Variants in SGCZ observed in about 807,000 individuals in gnomAD.
SGCZ encodes zeta-sarcoglycan.
In SGCZ, 40 loss-of-function variants were observed where a neutral mutation model predicts 41.3. The observed-to-expected ratio is 0.97, with a 90% confidence interval of 0.75 to 1.26. The LOEUF (loss-of-function observed/expected upper bound fraction) is 1.26, where lower values mean the gene tolerates loss of function less well. SGCZ is among the 50% of genes most tolerant of loss of function. SGCZ has a pLI of 0.00. For synonymous variants in SGCZ, 206 were observed against 137.5 expected, an observed-to-expected ratio of 1.50 and a Z score of -3.49; for missense variants, 552 against 369.8, an observed-to-expected ratio of 1.49 and a Z score of -4.04.
intron 2 of SGCZ, among the ~76,000 whole-genome samples, chr8:14,463,050 C>T (rs917395624): frequency 6.6e-6 from 1 of 151,492 alleles, no homozygotes; most frequent in Non-Finnish European, 1.5e-5. Flanking sequence ...TGCTACTTTG[C>T]TGAATAGGTT....
chr8:15,151,386 T>C (rs745559375), intron 1 of SGCZ, among the ~76,000 whole-genome samples: 10 of 152,240 alleles, frequency 6.6e-5, no homozygotes, highest in Non-Finnish European at 1.2e-4. Context: ...TATGCTACAA[T>C]AGATTACAAA....
rs185302462 is a variant in SGCZ, at chr8:14,773,780, C to G, written c.40-218854G>C. On this transcript the variant is annotated intron_variant, in intron 1 of 7. Transcript: ENST00000382080. ...AGGCAAAGTCAGCAGAGACTCTTAACCAAGGATGAAGGAAAACACTCCACA... is the reference window on the plus strand; with the variant it reads ...AGGCAAAGTCAGCAGAGACTCTTAAGCAAGGATGAAGGAAAACACTCCACA... Among the ~76,000 whole-genome samples, 6 of 152,224 alleles carry G rather than the reference C, an allele frequency of 3.9e-5. No homozygotes were observed. The East Asian group carries it at 1.2e-3, about 29-fold the overall frequency.
chr8:14,396,138 G>C (rs1023718152), intron 2 of SGCZ, among the ~76,000 whole-genome samples: 1 of 152,108 alleles, frequency 6.6e-6, no homozygotes, highest in African/African-American at 2.4e-5. Context: ...TACCTTGTCA[G>C]TATTCTAATA....
chr8:14,477,889 C>T (rs1801406690), intron 2 of SGCZ, among the ~76,000 whole-genome samples: 2 of 152,178 alleles, frequency 1.3e-5, no homozygotes, highest in Admixed American at 1.3e-4. Flanking sequence ...TCTCAATATA[C>T]AGTTAACTTT....
At chr8:15,167,441 G>C (rs191230924) in intron 1 of SGCZ, among the ~76,000 whole-genome samples, 2,016 of 141,268 alleles carry the variant, frequency 0.014, 45 homozygotes, top group African/African-American at 0.047. Flanking sequence ...AGTTCATCTT[G>C]GGACTTAAGA....
intron 6 of SGCZ, among the ~76,000 whole-genome samples, chr8:14,107,422 C>T (rs144303879): frequency 6.6e-6 from 1 of 151,994 alleles, no homozygotes; most frequent in Admixed American, 6.6e-5. Context: ...CAGGACATAG[C>T]TTATTCCATT....
At chr8:14,152,189 T>C (rs1174005739) in intron 5 of SGCZ, among the ~76,000 whole-genome samples, 4 of 152,072 alleles carry the variant, frequency 2.6e-5, no homozygotes, top group African/African-American at 2.4e-5. Context: ...ATATATCCTA[T>C]AGAGGACTGT....
chr8:14,284,425 TTAGTA>T (rs369223133), intron 3 of SGCZ, among the ~76,000 whole-genome samples: 363 of 152,332 alleles, frequency 2.4e-3, no homozygotes, highest in African/African-American at 6.6e-3. Context: ...TTGTCTTATT[TTAGTA>T]TAGGTTTACT....
At chr8:14,672,285 T>G (rs1053878581) in intron 1 of SGCZ, among the ~76,000 whole-genome samples, 1 of 152,166 alleles carries the variant, frequency 6.6e-6, no homozygotes. Context: ...AATCTGCCAT[T>G]TGCTAAGCTG....
intron 2 of SGCZ, among the ~76,000 whole-genome samples, chr8:14,372,399 A>G (rs754608002): frequency 6.6e-6 from 1 of 152,166 alleles, no homozygotes; most frequent in South Asian, 2.1e-4. Flanking sequence ...ATTCTGTGCC[A>G]GATAATCTTC....
intron 1 of SGCZ, among the ~76,000 whole-genome samples, chr8:15,031,040 A>C (rs1803641468): frequency 6.6e-6 from 1 of 151,988 alleles, no homozygotes; most frequent in Non-Finnish European, 1.5e-5. Context: ...GTTTGTTTCA[A>C]TTTTAGATTC....
At chr8:15,103,471 G>A (rs775901060) in intron 1 of SGCZ, among the ~76,000 whole-genome samples, 19 of 151,792 alleles carry the variant, frequency 1.3e-4, no homozygotes, top group Non-Finnish European at 2.4e-4. Context: ...TTTTATAGAA[G>A]TAAAATCTCT....
intron 2 of SGCZ, among the ~76,000 whole-genome samples, chr8:14,360,939 C>T (rs1029300133): frequency 6.6e-6 from 1 of 152,128 alleles, no homozygotes; most frequent in Non-Finnish European, 1.5e-5. Context: ...TTTCCGCAAG[C>T]TCAGCAGCAT....
At chr8:15,156,709 C>T (rs894600699) in intron 1 of SGCZ, among the ~76,000 whole-genome samples, 3 of 151,956 alleles carry the variant, frequency 2.0e-5, no homozygotes, top group Admixed American at 6.5e-5. Flanking sequence ...TCTGGGAGTC[C>T]AAGGCAGACG....
chr8:15,001,348 T>C (rs1405676510), intron 1 of SGCZ, among the ~76,000 whole-genome samples: 1 of 152,212 alleles, frequency 6.6e-6, no homozygotes, highest in Non-Finnish European at 1.5e-5. Context: ...TTTGGGAGTT[T>C]CTGCTTTGCA....
intron 1 of SGCZ, among the ~76,000 whole-genome samples, chr8:14,882,127 G>C (rs1031386238): frequency 6.6e-6 from 1 of 152,200 alleles, no homozygotes; most frequent in East Asian, 1.9e-4. Context: ...AAGCTAGAAA[G>C]ATCCCAAATC....
At chr8:14,458,718 T>G (rs116478319) in intron 2 of SGCZ, among the ~76,000 whole-genome samples, 1 of 152,150 alleles carries the variant, frequency 6.6e-6, no homozygotes, top group African/African-American at 2.4e-5. Flanking sequence ...CCTACCTACC[T>G]ACCTATAATC....
At chr8:14,324,265 A>T in intron 2 of SGCZ, 61 bp from the exon 3 acceptor site, 1 of 1,223,706 alleles carries the variant, frequency 8.2e-7, no homozygotes, top group Non-Finnish European at 1.2e-6. Context: ...TCTGGCCATA[A>T]TTTTCTTAGG....
intron 1 of SGCZ, among the ~76,000 whole-genome samples, chr8:14,692,465 T>C (rs1563206132): frequency 6.6e-6 from 1 of 152,048 alleles, no homozygotes; most frequent in Admixed American, 6.6e-5. Context: ...TATCCACCAA[T>C]AATACAGTAA....
Sources: allele counts gnomAD v4.1 joint callset (sites outside exome capture counted in the v4.1 genomes callset), GRCh38; gene constraint gnomAD v4.1.1; transcripts MANE v1.5; gene names NCBI Gene and HGNC (gene_info 2026-07-23, HGNC 2026-07-21).